Variants in WDR20 observed in about 807,000 individuals in gnomAD.
WDR20 encodes WD repeat domain 20.
In WDR20, 3 loss-of-function variants were observed where a neutral mutation model predicts 38.7. The observed-to-expected ratio is 0.08, with a 90% CI of 0.04 to 0.20. The LOEUF (loss-of-function observed/expected upper bound fraction) is 0.20. WDR20 is among the 10% of genes least tolerant of loss of function. WDR20 has a pLI of 1.00. For synonymous variants in WDR20, 298 were observed against 285.6 expected, an observed-to-expected ratio of 1.04 and a Z score of -0.44; for missense variants, 559 against 727.7, an observed-to-expected ratio of 0.77 and a Z score of 2.67.
chr14:102,168,823 C>T (rs572379060), intron 1 of WDR20, among the ~76,000 whole-genome samples: 2 of 152,212 alleles, frequency 1.3e-5, no homozygotes, highest in East Asian at 3.9e-4. Context: ...CTACCACTAC[C>T]ACCCTAGTTT....
chr14:102,222,852 A>G lies in WDR20; in HGVS notation c.1715A>G (p.Gln572Arg). The G allele has an allele frequency of 1.2e-6, 2 of 1,614,242 alleles. No homozygotes were observed. The highest frequency in any genetic ancestry group is 1.1e-5 in the South Asian group (1 of 91,090). Reference sequence around the variant, plus strand: ...CAGGGCTCATTGTCATCCCCAAGCCAGGCCAGTTCTCCAGGTGGAACTGTA... The same window carrying G: ...CAGGGCTCATTGTCATCCCCAAGCCGGGCCAGTTCTCCAGGTGGAACTGTA... Residue 572 changes from glutamine to arginine, a missense_variant, in exon 4 of 4, where the codon CAG becomes CGG. By Grantham distance (43) the Gln-to-Arg change is conservative (BLOSUM62 1). Transcript: ENST00000335263. The surrounding 1 kb of genome is among the most constrained non-coding windows in gnomAD (Gnocchi z 4.4).
intron 1 of WDR20, among the ~76,000 whole-genome samples, chr14:102,155,829 G>A (rs1422549621): frequency 6.6e-6 from 1 of 151,232 alleles, no homozygotes; most frequent in Non-Finnish European, 1.5e-5. Flanking sequence ...AGGCTGGAGT[G>A]CAGTGGTGTG....
Position 102,209,453 on chromosome 14 carries a change from C to T in WDR20, c.1283C>T (p.Pro428Leu), listed in dbSNP as rs1194449138. 3 of 1,614,082 alleles carry T rather than the reference C, an allele frequency of 1.9e-6. No individual in the cohort carries two copies. Among genetic ancestry groups the T allele is most frequent in the African/African-American group, 1.3e-5 (1 of 74,914 alleles). Reference sequence around the variant, plus strand: ...ACACCCGGGAACTCTGTGCCGCCTCCTCTGCCACGGTCCAACAGCCTTCCA... The same window carrying T: ...ACACCCGGGAACTCTGTGCCGCCTCTTCTGCCACGGTCCAACAGCCTTCCA... ...VTTPGNSVPP[P>L]LPRSNSLPHS... is the part of the protein sequence containing the mutation. Residue 428 changes from proline to leucine, a missense_variant, in exon 3 of 3, where the codon CCT becomes CTT. By Grantham distance (98) the Pro-to-Leu change is moderately conservative. Coordinates refer to ENST00000342702, the MANE Select transcript of WDR20 (RefSeq NM_144574.4). This position sits in a 1 kb window ranked among gnomAD's most constrained non-coding sequence, Gnocchi z 6.0.
At chr14:102,203,565 T>C (rs1259010098) in intron 2 of WDR20, among the ~76,000 whole-genome samples, 1 of 152,154 alleles carries the variant, frequency 6.6e-6, no homozygotes, top group East Asian at 1.9e-4. Context: ...CCAGCTCATG[T>C]GCTGCGATCA....
At chr14:102,206,088 G>A (rs538482596) in intron 2 of WDR20, among the ~76,000 whole-genome samples, 17 of 152,310 alleles carry the variant, frequency 1.1e-4, no homozygotes, top group African/African-American at 4.1e-4. Context: ...CTGGGTTCAA[G>A]TGATTCTCCT....
At chr14:102,141,488 C>T (rs1326150691) in intron 1 of WDR20, among the ~76,000 whole-genome samples, 1 of 148,980 alleles carries the variant, frequency 6.7e-6, no homozygotes, top group Non-Finnish European at 1.5e-5. Flanking sequence ...ATCGCTTGAC[C>T]TTTTTTTTTT....
chr14:102,146,736 A>T (rs898075077), intron 1 of WDR20, among the ~76,000 whole-genome samples: 4 of 152,036 alleles, frequency 2.6e-5, no homozygotes, highest in African/African-American at 9.7e-5. Context: ...CCCCCCACAG[A>T]CTTGTTTTAG....
At chr14:102,216,930 CTT>C (rs2063291312), downstream of WDR20, among the ~76,000 whole-genome samples, 1 of 152,030 alleles carries the variant, frequency 6.6e-6, no homozygotes, top group Non-Finnish European at 1.5e-5. Flanking sequence ...GAGACTCTGT[CTT>C]AAAGAAAAAA....
At position 102,220,378 on chromosome 14, in the gene WDR20, G is replaced by A. The variant is rs1442182451; in HGVS notation, c.1693-2452G>A. 6.6e-6 allele frequency among the ~76,000 whole-genome samples: 1 copy of A among 152,242 alleles called. No individual in the cohort carries two copies. The highest frequency in any genetic ancestry group is 1.9e-4 in the East Asian group (1 of 5,204). ...ACCTCAAAGGCTTCTTACCAAAAAA[G>A]TCATTAGTAATTTTTATATTGCTGA... On this transcript the variant is annotated intron_variant, in intron 3 of 3. Coordinates refer to the WDR20 transcript ENST00000335263. The surrounding 1 kb of genome is among the most constrained non-coding windows in gnomAD (Gnocchi z 4.2).
At chr14:102,218,127 T>C (rs187458778), downstream of WDR20, among the ~76,000 whole-genome samples, 5 of 152,368 alleles carry the variant, frequency 3.3e-5, no homozygotes, top group East Asian at 9.6e-4. Context: ...AGCGCTAGTC[T>C]GCCCGCCCGC....
At chr14:102,176,268 A>C (rs1483261740) in intron 1 of WDR20, among the ~76,000 whole-genome samples, 1 of 151,130 alleles carries the variant, frequency 6.6e-6, no homozygotes, top group Non-Finnish European at 1.5e-5. Context: ...GGTGGCATGC[A>C]CCTGTAGTCC....
chr14:102,224,813 A>C (rs114911398), downstream of WDR20: 881 of 455,960 alleles, frequency 1.9e-3, 7 homozygotes, highest in African/African-American at 0.015. Flanking sequence ...AGAAATAATA[A>C]AAGACACTAA....
At chr14:102,160,149 GCTAT>G (rs1011531935) in intron 1 of WDR20, among the ~76,000 whole-genome samples, 8 of 146,372 alleles carry the variant, frequency 5.5e-5, no homozygotes, top group Non-Finnish European at 8.9e-5. Flanking sequence ...ATTTCTTCTT[GCTAT>G]CTGTTTTAAG....
chr14:102,157,706 C>T (rs1341790280), intron 1 of WDR20, among the ~76,000 whole-genome samples: 2 of 152,038 alleles, frequency 1.3e-5, no homozygotes, highest in Admixed American at 1.3e-4. Flanking sequence ...GGATTCTAAA[C>T]CAAGAGAACT....
intron 1 of WDR20, among the ~76,000 whole-genome samples, chr14:102,184,532 G>T (rs970099533): frequency 6.6e-6 from 1 of 152,010 alleles, no homozygotes; most frequent in Non-Finnish European, 1.5e-5. Context: ...TCCGCCCTCT[G>T]CTTGTTCCTG....
intron 1 of WDR20, among the ~76,000 whole-genome samples, chr14:102,146,186 C>T (rs528573385): frequency 1.3e-5 from 2 of 151,728 alleles, no homozygotes; most frequent in South Asian, 2.1e-4. Flanking sequence ...GTTTTTGAGA[C>T]GAAGTCTTGC....
intron 1 of WDR20, among the ~76,000 whole-genome samples, chr14:102,185,178 T>G (rs559312312): frequency 1.3e-5 from 2 of 152,268 alleles, no homozygotes; most frequent in South Asian, 2.1e-4. Flanking sequence ...TAATGAATGA[T>G]GAGAATTTTC....
chr14:102,216,316 T>A (rs974966285), downstream of WDR20, among the ~76,000 whole-genome samples: 3 of 152,176 alleles, frequency 2.0e-5, no homozygotes, highest in African/African-American at 7.2e-5. Flanking sequence ...CAGGGCGTTT[T>A]GGTTTGTGTT....
chr14:102,172,638 A>C (rs905559118), intron 1 of WDR20, among the ~76,000 whole-genome samples: 2 of 143,270 alleles, frequency 1.4e-5, no homozygotes, highest in Non-Finnish European at 3.1e-5. Context: ...CACCTCCCGG[A>C]CGGGGCGGCT....
Sources: gnomAD v4.1 joint callset for allele counts (sites outside exome capture counted in the v4.1 genomes callset) on GRCh38, gnomAD v4.1.1 for gene constraint, Gnocchi (gnomAD v3.1) non-coding constraint, MANE v1.5 for transcripts, NCBI Gene and HGNC (gene_info 2026-07-23, HGNC 2026-07-21) for gene names.